SOX5: variants seen among roughly 807,000 people sequenced by gnomAD.
The protein encoded by SOX5 is SRY-box transcription factor 5.
A neutral mutation model predicts 92.0 loss-of-function variants in SOX5; 9 were observed. The ratio of observed to expected loss-of-function variants is 0.10; its 90% confidence interval spans 0.06 to 0.17. The LOEUF is 0.17. Among genes scored for constraint, SOX5 ranks in the 10% least tolerant of loss-of-function variants. The pLI is 1.00. For synonymous variants in SOX5, 344 were observed against 336.3 expected (o/e 1.02, Z -0.25); for missense variants, 642 against 944.5 (o/e 0.68, Z 4.20).
chr12:24,231,051 C>T (rs1594581443), intron 3 of SOX5, among the ~76,000 whole-genome samples: 1 of 152,058 alleles, frequency 6.6e-6, no homozygotes, highest in Admixed American at 6.6e-5. Context: ...TCACAGGTTT[C>T]AATAGGATTA....
chr12:24,313,494 C>T (rs1489098656), intron 2 of SOX5, among the ~76,000 whole-genome samples: 3 of 152,122 alleles, frequency 2.0e-5, no homozygotes, highest in Non-Finnish European at 4.4e-5. Context: ...CATACCCCTG[C>T]ACTCCAGCCA....
chr12:24,457,961 G>C (rs1943196485), intron 1 of SOX5, among the ~76,000 whole-genome samples: 1 of 152,094 alleles, frequency 6.6e-6, no homozygotes, highest in Non-Finnish European at 1.5e-5. Flanking sequence ...ATTCTATAAG[G>C]AAATCAGTTC....
intron 7 of SOX5, among the ~76,000 whole-genome samples, chr12:23,642,264 T>C (rs1363067736): frequency 6.6e-6 from 1 of 152,200 alleles, no homozygotes; most frequent in African/African-American, 2.4e-5. Context: ...TACCTGGATC[T>C]ACCTCTCTGG....
chr12:24,374,149 G>A (rs1041889461), intron 1 of SOX5, among the ~76,000 whole-genome samples: 2 of 152,160 alleles, frequency 1.3e-5, no homozygotes. Flanking sequence ...CAGAGGCGGG[G>A]TTCAGGCTTC....
At chr12:23,754,341 G>A (rs1284509877) in intron 4 of SOX5, among the ~76,000 whole-genome samples, 1 of 151,846 alleles carries the variant, frequency 6.6e-6, no homozygotes, top group East Asian at 1.9e-4. Context: ...TGCATCTTAT[G>A]CCTCAGGGGT....
intron 12 of SOX5, among the ~76,000 whole-genome samples, chr12:23,545,464 T>C (rs1398886269): frequency 1.3e-5 from 2 of 152,172 alleles, no homozygotes; most frequent in Admixed American, 6.6e-5. Flanking sequence ...TCACTGTGGA[T>C]GTTTAGAATG....
At position 23,536,643 on chromosome 12, in the gene SOX5, G is replaced by C. The variant is rs761762364; in HGVS notation, c.1798C>G (p.Leu600Val). 5.6e-6 allele frequency: 9 copies of C among 1,614,036 alleles called. No homozygotes were observed. The Middle Eastern group carries it at 4.9e-4, about 89-fold the overall frequency. Residue 600 changes from leucine (L) to valine (V), a missense_variant, in exon 14 of 15, where the codon CTA becomes GTA. Physicochemically the swap from Leu to Val is conservative, Grantham distance 32 (BLOSUM62 1). Transcript: ENST00000451604. The part of the protein sequence containing the change: ...LGSRWKAMTN[L>V]EKQPYYEEQA... ...TCCTCATAATATGGCTGTTTCTCTA[G>C]GTTTGTCATAGCTTTCCAGCGAGAT...
chr12:24,480,979 A>G (rs896539610), intron 1 of SOX5, among the ~76,000 whole-genome samples: 1 of 152,214 alleles, frequency 6.6e-6, no homozygotes, highest in East Asian at 1.9e-4. Flanking sequence ...AGCACTTTTC[A>G]CAATAGCCAA....
chr12:23,716,848 A>G (rs1247772992), intron 6 of SOX5, among the ~76,000 whole-genome samples: 4 of 152,222 alleles, frequency 2.6e-5, no homozygotes, highest in African/African-American at 9.6e-5. Context: ...TCTAAATCCC[A>G]CAATCTGTGT....
chr12:24,257,314 T>C (rs1037576140), intron 3 of SOX5, among the ~76,000 whole-genome samples: 5 of 152,240 alleles, frequency 3.3e-5, no homozygotes, highest in African/African-American at 1.2e-4. Flanking sequence ...AATATCTTCC[T>C]ACATTCATTA....
chr12:23,854,576 C>T (rs759295380), intron 2 of SOX5, among the ~76,000 whole-genome samples: 9 of 151,754 alleles, frequency 5.9e-5, no homozygotes, highest in African/African-American at 7.2e-5. Context: ...TTAACACTAA[C>T]GAAAATAAAC....
At chr12:24,260,609 T>C (rs777980549) in intron 3 of SOX5, among the ~76,000 whole-genome samples, 3 of 152,140 alleles carry the variant, frequency 2.0e-5, no homozygotes, top group Non-Finnish European at 4.4e-5. Flanking sequence ...CTTCCTTAGG[T>C]AGTGATATCT....
chr12:23,782,112 T>C (rs1369176175), intron 3 of SOX5, among the ~76,000 whole-genome samples: 1 of 152,034 alleles, frequency 6.6e-6, no homozygotes, highest in Non-Finnish European at 1.5e-5. Context: ...GTATATTAAG[T>C]AGTGGTATAA....
At chr12:24,233,902 G>C (rs920463709) in intron 3 of SOX5, among the ~76,000 whole-genome samples, 17 of 152,204 alleles carry the variant, frequency 1.1e-4, no homozygotes, top group Admixed American at 1.0e-3. Context: ...CTTGTACCAT[G>C]ACTTTTATCT....
chr12:24,476,669 C>T (rs1419904912), intron 1 of SOX5, among the ~76,000 whole-genome samples: 1 of 152,074 alleles, frequency 6.6e-6, no homozygotes, highest in African/African-American at 2.4e-5. Flanking sequence ...AGTTACCACA[C>T]TGCACTGCAT....
rs547591494 is a variant in SOX5 at position 23,907,976 on chromosome 12, A to T, written c.39-11952T>A. Among the ~76,000 whole-genome samples, 102 of 152,150 alleles carry T rather than the reference A, an allele frequency of 6.7e-4. 2 individuals are homozygous for T. Among genetic ancestry groups the T allele is most frequent in the African/African-American group, 2.2e-3 (92 of 41,510 alleles). On this transcript the variant is annotated intron_variant, in intron 1 of 14. Transcript: ENST00000451604. Reference sequence around the variant, plus strand: ...CATCTTCCCTGACTTCTTATCTGGGATTCTTCCTGTTAAAGTGCCCATCCC... The same window carrying T: ...CATCTTCCCTGACTTCTTATCTGGGTTTCTTCCTGTTAAAGTGCCCATCCC...
intron 10 of SOX5, 88 bp from the exon 11 acceptor site, chr12:23,563,491 T>C (rs1423079708): frequency 6.1e-6 from 7 of 1,143,138 alleles, no homozygotes; most frequent in Middle Eastern, 2.1e-4. Context: ...TTCTTGGTAA[T>C]AGGTAGTGTC....
chr12:23,543,162 A>G (rs1374172663), intron 13 of SOX5, 49 bp downstream of exon 13: 1 of 1,512,220 alleles, frequency 6.6e-7, no homozygotes, highest in African/African-American at 1.4e-5. Context: ...CAGAAAACAG[A>G]ACAGTACCTT....
chr12:24,256,617 T>C (rs78184559), intron 3 of SOX5, among the ~76,000 whole-genome samples: 2,668 of 106,906 alleles, frequency 0.025, 52 homozygotes, highest in African/African-American at 0.081. Context: ...GAGTTGAAAA[T>C]GAGGGAGGGG....
Sources: gnomAD v4.1 joint callset for allele counts (sites outside exome capture counted in the v4.1 genomes callset) on GRCh38, gnomAD v4.1.1 for gene constraint, MANE v1.5 for transcripts, NCBI Gene and HGNC (gene_info 2026-07-23, HGNC 2026-07-21) for gene names.